Variants in CCNE2 observed in about 807,000 individuals in gnomAD.
The protein encoded by CCNE2 is cyclin E2.
Under a neutral mutation model 56.8 loss-of-function variants are expected in CCNE2, and 18 were observed. That is an observed-to-expected ratio of 0.32 (90% confidence interval 0.22 to 0.47). The LOEUF is 0.47. Among genes scored for constraint, CCNE2 ranks in the 20% least tolerant of loss-of-function variants. The pLI, the probability that CCNE2 is intolerant of heterozygous loss-of-function variation, is 1.00. For missense variants in CCNE2, 371 were observed against 467.1 expected (o/e 0.79, Z 1.90); for synonymous variants, 139 against 149.2 (o/e 0.93, Z 0.50).
At chr8:94,894,908 C>G (rs1012661921) in intron 1 of CCNE2, among the ~76,000 whole-genome samples, 8 of 152,286 alleles carry the variant, frequency 5.3e-5, no homozygotes, top group African/African-American at 1.9e-4. Context: ...GGGGACCCGG[C>G]CTCCCATCCT....
intron 9 of CCNE2, 32 bp downstream of exon 9, chr8:94,885,035 C>T (rs944697206): frequency 1.9e-6 from 3 of 1,593,666 alleles, no homozygotes; most frequent in Non-Finnish European, 2.6e-6. Context: ...TAATTAATAA[C>T]ATTACCATTG....
At chr8:94,888,431 T>C (rs963022932) in intron 6 of CCNE2, among the ~76,000 whole-genome samples, 15 of 152,240 alleles carry the variant, frequency 9.9e-5, no homozygotes, top group African/African-American at 3.6e-4. Context: ...TAATAAATAG[T>C]ATCTGTCATT....
intron 6 of CCNE2, among the ~76,000 whole-genome samples, chr8:94,889,371 C>T (rs1817150423): frequency 6.6e-6 from 1 of 152,038 alleles, no homozygotes; most frequent in South Asian, 2.1e-4. Context: ...TAGGTAAAAA[C>T]AGGAACAAAT....
Position 94,881,454 on chromosome 8 carries a change from ATAAT to A in CCNE2, c.*174_*177del, listed in dbSNP as rs1200899766. On this transcript the variant is annotated 3_prime_UTR_variant, in exon 12 of 12. Coordinates refer to ENST00000308108, the MANE Select transcript of CCNE2 (RefSeq NM_057749.3). ...GTTTCTTTAACAGCTAACATAGGAA[ATAAT>A]TAAATGTATTCTTTAGTGCCAATTG... 1 of 592,824 alleles carries A rather than the reference ATAAT, an allele frequency of 1.7e-6. No homozygotes were observed. Among genetic ancestry groups the A allele is most frequent in the Non-Finnish European group, 2.9e-6 (1 of 344,170 alleles). The allele number at this position is 592,824 out of a possible 1,614,324, so 36.7% of individuals were successfully genotyped here.
intron 9 of CCNE2, 149 bp from the exon 10 acceptor site, chr8:94,883,041 C>T (rs189975009): frequency 1.9e-4 from 92 of 486,162 alleles, no homozygotes; most frequent in Non-Finnish European, 2.7e-4. Context: ...TTTGGGAGGC[C>T]GAGGCGGGTG....
upstream of CCNE2, chr8:94,895,716 G>C (rs1226657836): frequency 6.6e-6 from 1 of 152,358 alleles, no homozygotes; most frequent in Admixed American, 6.5e-5. Flanking sequence ...CGCCCCTCGG[G>C]GAGGAGCAAA....
chr8:94,892,686 C>T, intron 5 of CCNE2, 132 bp downstream of exon 5: 1 of 509,794 alleles, frequency 2.0e-6, no homozygotes, highest in South Asian at 4.2e-5. Flanking sequence ...GATAAAATGA[C>T]ATATGATTAA....
At chr8:94,888,737 G>A (rs1316402767) in intron 6 of CCNE2, among the ~76,000 whole-genome samples, 2 of 152,118 alleles carry the variant, frequency 1.3e-5, no homozygotes, top group Admixed American at 6.5e-5. Flanking sequence ...TGTTGGCCAG[G>A]CTGGTCTCAA....
At chr8:94,888,541 G>GTTT (rs1393623284) in intron 6 of CCNE2, among the ~76,000 whole-genome samples, 1 of 144,120 alleles carries the variant, frequency 6.9e-6, no homozygotes, top group Non-Finnish European at 1.5e-5. Flanking sequence ...ATATACCAGA[G>GTTT]TTTTTTTTTT....
rs889575601 is a variant in CCNE2 at position 94,881,433 on chromosome 8, C to CT, written c.*198dup. 1.8e-6 allele frequency: 1 copy of CT among 564,612 alleles called. No homozygotes were observed. Among genetic ancestry groups the CT allele is most frequent in the Non-Finnish European group, 3.1e-6 (1 of 326,814 alleles). 35.0% of individuals were successfully genotyped at this position (564,612 alleles called of 1,614,324 possible). On this transcript the variant is annotated 3_prime_UTR_variant, in exon 12 of 12. Transcript: ENST00000308108. ...TCTTTGTAAACAAGTCCTGCTGTTT[C>CT]TTTAACAGCTAACATAGGAAATAAT... is the stretch of plus-strand genomic sequence containing the variant.
chr8:94,894,253 G>A lies in CCNE2; in HGVS notation c.-26-6C>T. 1.2e-6 allele frequency: 2 copies of A among 1,612,598 alleles called. No individual in the cohort carries two copies. The highest frequency in any genetic ancestry group is 1.1e-5 in the South Asian group (1 of 91,024). The stretch of plus-strand genomic sequence containing the variant: ...CTTTCAGGTGTATAAAACCTCTGAA[G>A]GGGGGAGAGGAAAAGCCGCAGTCAA... On this transcript the variant is annotated splice_polypyrimidine_tract_variant and splice_region_variant and intron_variant, in intron 1 of 11. Coordinates refer to ENST00000308108, the MANE Select transcript of CCNE2 (RefSeq NM_057749.3).
In CCNE2 at chr8:94,894,051, AT is replaced by A; in HGVS notation, c.82del (p.Ile28SerfsTer52). The A allele has an allele frequency of 6.2e-7, 1 of 1,613,594 alleles. No homozygotes were observed. Among genetic ancestry groups the A allele is most frequent in the Non-Finnish European group, 8.5e-7 (1 of 1,179,836 alleles). ...QTESPQEAQI[I>X]QAKKRKTTQD... ...GGTAGTTTTCCTCTTCTTGGCCTGG[AT>A]TATCTGGGCTTCTTGGGGGGATTCC... On this transcript the variant is annotated frameshift_variant, in exon 3 of 12. Coordinates refer to ENST00000308108, the MANE Select transcript of CCNE2 (RefSeq NM_057749.3). LOFTEE classifies it high-confidence loss of function.
In CCNE2 at chr8:94,885,468, A is replaced by C; in HGVS notation, c.691T>G (p.Leu231Val). Residue 231 changes from leucine to valine, a missense_variant, in exon 8 of 12, where the codon TTA (leucine) becomes GTA (valine). Transcript: ENST00000308108. ...EDILRMELII[L>V]KALKWELCPV... ...GAAAACATAATTATTATTACCTTTA[A>C]TATAATGAGTTCCATCCTTAAGATA... 1 of 1,559,308 alleles carries C rather than the reference A, an allele frequency of 6.4e-7. No homozygotes were observed. Among genetic ancestry groups the C allele is most frequent in the Non-Finnish European group, 8.8e-7 (1 of 1,138,652 alleles).
At chr8:94,885,012 A>G in intron 9 of CCNE2, 55 bp downstream of exon 9, 1 of 1,512,662 alleles carries the variant, frequency 6.6e-7, no homozygotes, top group Admixed American at 1.8e-5. Flanking sequence ...GACTATATAT[A>G]CACTAAAACC....
chr8:94,893,248 C>T (rs1490642898), intron 4 of CCNE2, among the ~76,000 whole-genome samples: 1 of 150,838 alleles, frequency 6.6e-6, no homozygotes, highest in Non-Finnish European at 1.5e-5. Context: ...AATGCATCTG[C>T]AGTCTAAAAT....
chr8:94,881,838 A>G (rs1816829136), intron 11 of CCNE2, 93 bp from the exon 12 acceptor site: 1 of 1,473,264 alleles, frequency 6.8e-7, no homozygotes, highest in Non-Finnish European at 9.2e-7. Flanking sequence ...GCCTAATTTT[A>G]ATAGTCTTTT....
Position 94,881,272 on chromosome 8 carries a change from C to T in CCNE2, c.*360G>A. The T allele has an allele frequency of 2.8e-6, 1 of 357,436 alleles. No individual in the cohort carries two copies. 22.1% of individuals were successfully genotyped at this position (357,436 alleles called of 1,614,324 possible). A position where few individuals can be genotyped will look rare whatever the true frequency, so the allele number is the denominator to read the frequency against. On this transcript the variant is annotated 3_prime_UTR_variant, in exon 12 of 12. Transcript: ENST00000308108. ...ACTTAGTATACCCTTTAAGGTAGCA[C>T]TTATCCAGTCCAAAACTCCAGTGAC...
At position 94,893,730 on chromosome 8, in the gene CCNE2, T is replaced by G. The variant is rs1353601860; in HGVS notation, c.165+161A>C. 5 of 707,028 alleles carry G rather than the reference T, an allele frequency of 7.1e-6. No homozygotes were observed. The East Asian group carries it at 1.3e-4, about 18-fold the overall frequency. 43.8% of individuals were successfully genotyped at this position (707,028 alleles called of 1,614,324 possible). A position where few individuals can be genotyped will look rare whatever the true frequency, so the allele number is the denominator to read the frequency against. On this transcript the variant is annotated intron_variant, in intron 4 of 11. Coordinates refer to ENST00000308108, the MANE Select transcript of CCNE2 (RefSeq NM_057749.3). The stretch of plus-strand genomic sequence containing the variant: ...GCAGCTGTAGTAGGATTCGGGCACA[T>G]AGAAACCACCCAAAGATAGGCGCCT...
Position 94,881,692 on chromosome 8 carries a change from C to CA in CCNE2, c.1154dup (p.Cys386ValfsTer13), listed in dbSNP as rs1158587292. ...GTGGTGTCATAATGCCTCCATTGCACACTGGTGACAACTGTCCCCCTTTTC... is the reference window on the plus strand; with the variant it reads ...GTGGTGTCATAATGCCTCCATTGCACAACTGGTGACAACTGTCCCCCTTTTC... On this transcript the variant is annotated frameshift_variant, in exon 12 of 12. Coordinates refer to ENST00000308108, the MANE Select transcript of CCNE2 (RefSeq NM_057749.3). LOFTEE classifies it high-confidence loss of function. 3.1e-6 allele frequency: 5 copies of CA among 1,613,916 alleles called. No individual in the cohort carries two copies. The highest frequency in any genetic ancestry group is 4.2e-6 in the Non-Finnish European group (5 of 1,179,892).
Sources: allele counts gnomAD v4.1 joint callset (sites outside exome capture counted in the v4.1 genomes callset), GRCh38; gene constraint gnomAD v4.1.1; transcripts MANE v1.5; gene names NCBI Gene and HGNC (gene_info 2026-07-23, HGNC 2026-07-21).